Variants in SYNE1 observed in about 807,000 individuals in gnomAD.
The protein encoded by SYNE1 is nesprin-1.
In SYNE1, 616 loss-of-function variants were observed where a neutral mutation model predicts 1,111.0. That is an observed-to-expected ratio of 0.55 (90% CI 0.52 to 0.59). The LOEUF (loss-of-function observed/expected upper bound fraction) is 0.59. Among genes scored for constraint, SYNE1 ranks in the 20% least tolerant of loss-of-function variants. The pLI, the probability that SYNE1 is intolerant of heterozygous loss-of-function variation, is 0.00. For missense variants in SYNE1, 10,006 were observed against 10,417.0 expected (o/e 0.96, Z 1.72); for synonymous variants, 3,855 against 3,825.8 (o/e 1.01, Z -0.28).
At chr6:152,453,842 C>T in intron 24 of SYNE1, 122 bp from the exon 25 acceptor site, 1 of 1,172,480 alleles carries the variant, frequency 8.5e-7, no homozygotes, top group South Asian at 1.3e-5. Context: ...TGCAGACTTC[C>T]AGGCACCCAC....
intron 127 of SYNE1, among the ~76,000 whole-genome samples, chr6:152,198,494 T>C (rs1012510738): frequency 2.0e-5 from 3 of 152,230 alleles, no homozygotes; most frequent in Non-Finnish European, 4.4e-5. Context: ...ATTCACAACC[T>C]GGCTGTTTGT....
Position 152,209,934 on chromosome 6 carries a change from C to T in SYNE1, c.22589+1560G>A, listed in dbSNP as rs189940965. Reference sequence around the variant, plus strand: ...TCGCAGAAAATGTACAACTCCAGGACTTGAGAATATCGTATAATCTTGCTT... The same window carrying T: ...TCGCAGAAAATGTACAACTCCAGGATTTGAGAATATCGTATAATCTTGCTT... On this transcript the variant is annotated intron_variant, in intron 124 of 145. Coordinates refer to ENST00000367255, the MANE Select transcript of SYNE1 (RefSeq NM_182961.4). 3.9e-5 allele frequency among the ~76,000 whole-genome samples: 6 copies of T among 152,144 alleles called. No individual in the cohort carries two copies. In the East Asian group the frequency reaches 1.2e-3, roughly 29 times the overall value.
At chr6:152,323,790 AT>A in intron 81 of SYNE1, 53 bp from the exon 82 acceptor site, 1 of 1,599,256 alleles carries the variant, frequency 6.3e-7, no homozygotes, top group Admixed American at 1.7e-5. Flanking sequence ...ACTGAAAAAA[AT>A]AGGGTAACTC....
At chr6:152,546,716 G>T (rs1379248140) in intron 3 of SYNE1, 1 of 152,142 alleles carries the variant, frequency 6.6e-6, no homozygotes, top group African/African-American at 2.4e-5. Flanking sequence ...CTCTATTGAG[G>T]TAAAGAGTTA....
intron 125 of SYNE1, among the ~76,000 whole-genome samples, chr6:152,207,423 G>A (rs188370270): frequency 1.3e-5 from 2 of 152,314 alleles, no homozygotes; most frequent in East Asian, 1.9e-4. Flanking sequence ...CTGCGAATGA[G>A]GGCTCTCAGA....
At chr6:152,190,900 C>T (rs2153232749) in intron 127 of SYNE1, among the ~76,000 whole-genome samples, 1 of 152,346 alleles carries the variant, frequency 6.6e-6, no homozygotes, top group East Asian at 1.9e-4. Context: ...CAGTATGATG[C>T]TACCTGTGGA....
chr6:152,334,497 T>G (rs1288765669), intron 76 of SYNE1, among the ~76,000 whole-genome samples: 1 of 152,240 alleles, frequency 6.6e-6, no homozygotes, highest in Non-Finnish European at 1.5e-5. Flanking sequence ...GTAGCTGTGG[T>G]ATATTCTTTT....
At chr6:152,125,252 T>G in intron 145 of SYNE1, 2 of 1,549,886 alleles carry the variant, frequency 1.3e-6, no homozygotes, top group Non-Finnish European at 1.7e-6. Context: ...ATTCAGGTCG[T>G]ATTCATTTCA....
intron 56 of SYNE1, 102 bp downstream of exon 56, chr6:152,380,904 G>A: frequency 9.3e-7 from 1 of 1,073,528 alleles, no homozygotes; most frequent in Non-Finnish European, 1.5e-6. Flanking sequence ...AAGTGTGCAT[G>A]TTGCGTGTTT....
In SYNE1 at chr6:152,451,172, G is replaced by A. The variant is rs373161596; in HGVS notation, c.3061C>T (p.His1021Tyr). The change falls in exon 26 of 146, where the codon CAT becomes TAT. Residue 1021 changes from histidine to tyrosine, a missense_variant. Physicochemically the swap from His to Tyr is moderately conservative, Grantham distance 83. Transcript: ENST00000367255. The part of the protein sequence containing the change: ...LQGEAPYHLL[H>Y]LKIDVEKNRF... ...TTCTTCTCCACATCAATCTTCAGAT[G>A]AAGCAAATGATAAGGGGCTTCTCCT... The A allele has an allele frequency of 1.2e-6, 2 of 1,613,876 alleles. No individual in the cohort carries two copies. Among genetic ancestry groups the A allele is most frequent in the African/African-American group, 2.7e-5 (2 of 74,892 alleles).
rs1299762362 is a variant in SYNE1, at chr6:152,239,437, G to GT, written c.20067+95dup. 6 of 1,485,422 alleles carry GT rather than the reference G, an allele frequency of 4.0e-6. No homozygotes were observed. In the Admixed American group the frequency reaches 5.1e-5, roughly 13 times the overall value. The allele number at this position is 1,485,422 out of a possible 1,614,324, so 92.0% of individuals were successfully genotyped here. Reference sequence around the variant, plus strand: ...AGAGCGCAGCTAGTTCTGAGGTTATGTGAGGCAAACTGCATGGATAGATAC... The same window carrying GT: ...AGAGCGCAGCTAGTTCTGAGGTTATGTTGAGGCAAACTGCATGGATAGATAC... On this transcript the variant is annotated intron_variant, in intron 108 of 145. Transcript: ENST00000367255.
At chr6:152,154,824 G>A in intron 133 of SYNE1, 68 bp downstream of exon 133, 1 of 1,575,588 alleles carries the variant, frequency 6.3e-7, no homozygotes, top group Non-Finnish European at 8.7e-7. Context: ...TTAGGTCTTG[G>A]AACTCCAACT....
chr6:152,475,526 G>A (rs942884379), intron 14 of SYNE1, among the ~76,000 whole-genome samples: 1 of 152,126 alleles, frequency 6.6e-6, no homozygotes, highest in African/African-American at 2.4e-5. Context: ...GTCAAAAATT[G>A]TAAGTTGAAT....
At chr6:152,338,475 A>G (rs1018915393) in intron 75 of SYNE1, among the ~76,000 whole-genome samples, 11 of 152,040 alleles carry the variant, frequency 7.2e-5, no homozygotes, top group African/African-American at 2.7e-4. Context: ...TATAAAAATT[A>G]GCTGGGTGTG....
At position 152,430,206 on chromosome 6, in the gene SYNE1, T is replaced by A. The variant is rs2098415874; in HGVS notation, c.4694A>T (p.Gln1565Leu). 1.9e-6 allele frequency: 3 copies of A among 1,599,268 alleles called. No individual in the cohort carries two copies. The highest frequency in any genetic ancestry group is 2.6e-6 in the Non-Finnish European group (3 of 1,169,846). The change falls in exon 36 of 146, where the codon CAG becomes CTG. Residue 1565 changes from glutamine to leucine, a missense_variant. Gln to Leu is a moderately radical substitution (Grantham distance 113). Around this residue, in one of 7 missense-constraint regions of SYNE1, gnomAD observed 1,971 missense variants for 2,084.1 expected, o/e 0.95. Transcript: ENST00000367255. ...ATCTTCAAATTCAGACACAGATTGC[T>A]GGATCTAAAACATTGGTGCAATATA... ...QKFEENLRKI[Q>L]QSVSEFEDKL...
At chr6:152,496,699 A>G (rs1254120122) in intron 11 of SYNE1, among the ~76,000 whole-genome samples, 18 of 152,098 alleles carry the variant, frequency 1.2e-4, no homozygotes, top group Non-Finnish European at 4.4e-5. Context: ...CAATGCCCCA[A>G]CACTTCACCA....
chr6:152,557,259 G>T (rs2099369079), intron 3 of SYNE1, among the ~76,000 whole-genome samples: 1 of 152,094 alleles, frequency 6.6e-6, no homozygotes, highest in Non-Finnish European at 1.5e-5. Context: ...TATTCAGTCA[G>T]AGGATCAAGA....
chr6:152,420,074 C>A (rs967813651), intron 39 of SYNE1, among the ~76,000 whole-genome samples: 3 of 152,156 alleles, frequency 2.0e-5, no homozygotes, highest in Non-Finnish European at 4.4e-5. Flanking sequence ...TAATAATTAT[C>A]ATTATGTTCA....
At chr6:152,244,843 T>C (rs2086706666) in intron 105 of SYNE1, among the ~76,000 whole-genome samples, 187 bp from the exon 106 acceptor site, 1 of 152,038 alleles carries the variant, frequency 6.6e-6, no homozygotes, top group South Asian at 2.1e-4. Flanking sequence ...ACAGAAGAAG[T>C]CCCCTCATTA....
Sources: allele counts gnomAD v4.1 joint callset (sites outside exome capture counted in the v4.1 genomes callset), GRCh38; gene constraint gnomAD v4.1.1; regional missense constraint gnomAD v4.1.1; transcripts MANE v1.5; gene names NCBI Gene and HGNC (gene_info 2026-07-23, HGNC 2026-07-21).